CCP110: variants seen among roughly 807,000 people sequenced by gnomAD.
The protein encoded by CCP110 is centriolar coiled-coil protein 110.
A neutral mutation model predicts 105.5 loss-of-function variants in CCP110; 43 were observed. The observed-to-expected ratio is 0.41, with a 90% CI of 0.32 to 0.53. CCP110 has a LOEUF of 0.53. Among genes scored for constraint, CCP110 ranks in the 20% least tolerant of loss-of-function variants. The probability of loss-of-function intolerance (pLI) is 0.32; values close to 1 mark genes in which losing one functional copy is unlikely to be tolerated. For missense variants in CCP110, 1,016 were observed against 1,189.1 expected (o/e 0.85, Z 2.14); for synonymous variants, 353 against 392.1 (o/e 0.90, Z 1.18).
exon 4 of CCP110, chr16:19,536,672 C>T: frequency 6.2e-7 from 1 of 1,614,154 alleles, no homozygotes; most frequent in East Asian, 2.2e-5. Context: ...TCCCACTGTT[C>T]TAGAGTCTAA....
At chr16:19,553,192 GT>G (rs1242469592) in exon 15 of CCP110, 11 of 152,148 alleles carry the variant, frequency 7.2e-5, no homozygotes. Context: ...AAAAGCCTGT[GT>G]TTTACACATT....
chr16:19,551,279 G>T (rs1439271349), exon 15 of CCP110: 3 of 1,570,008 alleles, frequency 1.9e-6, no homozygotes, highest in African/African-American at 2.7e-5. Context: ...TAAAATGGGG[G>T]GAAGGATTAT....
At chr16:19,546,554 C>T (rs533072224) in intron 12 of CCP110, 80 bp downstream of exon 12, 91 of 777,910 alleles carry the variant, frequency 1.2e-4, no homozygotes, top group Non-Finnish European at 1.7e-4. Context: ...CGGTGGCTCA[C>T]GCCTGTAATC....
At chr16:19,535,250 T>C (rs545576718) in intron 3 of CCP110, among the ~76,000 whole-genome samples, 2 of 151,786 alleles carry the variant, frequency 1.3e-5, no homozygotes, top group South Asian at 4.1e-4. Context: ...TATACGGATG[T>C]ATAATTACCT....
intron 2 of CCP110, among the ~76,000 whole-genome samples, chr16:19,529,171 TG>T (rs1249971394): frequency 2.0e-5 from 3 of 152,224 alleles, no homozygotes; most frequent in Non-Finnish European, 4.4e-5. Context: ...GTTAACCATT[TG>T]GGTTTTTCAA....
rs78180055 is a variant in CCP110 at position 19,537,348 on chromosome 16, C to T, written c.1679C>T (p.Thr560Met). The stretch of plus-strand genomic sequence containing the variant: ...CCTTTATTGATGCAAAACCAGAATA[C>T]GAGACAGCAGATGGACACACCTATG... Residue 560 changes from threonine to methionine, a missense_variant, in exon 4 of 15, where the codon ACG becomes ATG. Physicochemically the swap from Thr to Met is moderately conservative, Grantham distance 81. Transcript: ENST00000381396. 4.0e-3 allele frequency: 6,380 copies of T among 1,613,456 alleles called. 212 individuals are homozygous for T. In the East Asian group the frequency reaches 0.085, roughly 21 times the overall value.
intron 1 of CCP110, among the ~76,000 whole-genome samples, chr16:19,524,433 T>A (rs540963028): frequency 1.6e-3 from 238 of 152,206 alleles, no homozygotes; most frequent in Non-Finnish European, 2.5e-3. Context: ...ATCGTGGTGA[T>A]CAAATTGTTT....
intron 4 of CCP110, 54 bp from the exon 5 acceptor site, chr16:19,540,603 A>G (rs1308466120): frequency 6.9e-7 from 1 of 1,441,900 alleles, no homozygotes; most frequent in African/African-American, 1.4e-5. Flanking sequence ...GGTATAAAAT[A>G]TCAGACATTA....
At chr16:19,541,958 T>C (rs377532290) in exon 6 of CCP110, 7 of 1,611,388 alleles carry the variant, frequency 4.3e-6, no homozygotes, top group Non-Finnish European at 5.9e-6. Flanking sequence ...AGTTGGACAT[T>C]AACAATGCAG....
intron 1 of CCP110, chr16:19,525,879 T>C (rs1969653449): frequency 6.6e-6 from 1 of 152,526 alleles, no homozygotes; most frequent in South Asian, 2.1e-4. Context: ...CTATGAAAAT[T>C]GGGAAACAGC....
At chr16:19,539,481 C>A (rs1308737248) in intron 4 of CCP110, among the ~76,000 whole-genome samples, 3 of 151,892 alleles carry the variant, frequency 2.0e-5, no homozygotes, top group African/African-American at 7.3e-5. Flanking sequence ...CTCAGCCTTC[C>A]AAGTAGCTGA....
intron 2 of CCP110, among the ~76,000 whole-genome samples, chr16:19,530,761 C>T (rs1033499065): frequency 2.0e-5 from 3 of 152,066 alleles, no homozygotes; most frequent in African/African-American, 2.4e-5. Flanking sequence ...CGAGACCAGC[C>T]TGGCCAACAT....
At chr16:19,531,749 CAA>C (rs1969875478) in intron 2 of CCP110, among the ~76,000 whole-genome samples, 1 of 152,164 alleles carries the variant, frequency 6.6e-6, no homozygotes, top group African/African-American at 2.4e-5. Flanking sequence ...GGGCAGATCA[CAA>C]AGTCAGGAGT....
Position 19,532,624 on chromosome 16 carries a change from G to T in CCP110, c.270+80G>T, listed in dbSNP as rs145568319. 1.4e-3 allele frequency: 1,588 copies of T among 1,156,218 alleles called. 20 individuals carry two copies. In the African/African-American group the frequency reaches 0.022, roughly 16 times the overall value. The allele number at this position is 1,156,218 out of a possible 1,614,324, so 71.6% of individuals were successfully genotyped here. On this transcript the variant is annotated intron_variant, in intron 3 of 14. Transcript: ENST00000381396. ...ATGATAATTTTTCTGAAATATATTT[G>T]CACTTAACTAATTACTAATGTACTT...
Position 19,542,971 on chromosome 16 carries a change from AAG to A in CCP110, c.2462_2463del (p.Lys821ThrfsTer51). ...TAGACTTATGCAGACAGATAAGCTGAAGCAACTTCGACAAACTGTAAAAGTAA... is the reference window on the plus strand; with the variant it reads ...TAGACTTATGCAGACAGATAAGCTGACAACTTCGACAAACTGTAAAAGTAA... On this transcript the variant is annotated frameshift_variant, in exon 8 of 15. Coordinates refer to ENST00000381396, the Ensembl canonical transcript of CCP110. LOFTEE classifies it high-confidence loss of function. 1 of 1,596,732 alleles carries A rather than the reference AAG, an allele frequency of 6.3e-7. No individual in the cohort carries two copies. The highest frequency in any genetic ancestry group is 1.1e-5 in the South Asian group (1 of 90,060).
exon 15 of CCP110, chr16:19,551,972 ATCT>A (rs1970655514): frequency 6.6e-6 from 1 of 152,196 alleles, no homozygotes; most frequent in African/African-American, 2.4e-5. Context: ...AGACAGCACA[ATCT>A]TCTTGAATGT....
chr16:19,531,226 G>A (rs1969855260), intron 2 of CCP110, among the ~76,000 whole-genome samples: 1 of 152,194 alleles, frequency 6.6e-6, no homozygotes, highest in African/African-American at 2.4e-5. Flanking sequence ...GGCTTGTTGT[G>A]TAGGGTCTAT....
exon 15 of CCP110, chr16:19,551,338 G>T: frequency 9.6e-7 from 1 of 1,043,814 alleles, no homozygotes; most frequent in Non-Finnish European, 1.5e-6. Context: ...CCTGGACTCC[G>T]TTTACACAGA....
rs765266598 is a variant in CCP110, at chr16:19,544,814, A to G, written c.2502A>G (p.Ile834Met). Reference sequence around the variant, plus strand: ...TTTTTCAGGATACTATGGAATTCATAAGAAGTTTTCAGTCAGAAGCACCAT... The same window carrying G: ...TTTTTCAGGATACTATGGAATTCATGAGAAGTTTTCAGTCAGAAGCACCAT... Residue 834 changes from isoleucine to methionine, a missense_variant, in exon 9 of 15, where the codon ATA becomes ATG. By Grantham distance (10) the Ile-to-Met change is conservative. Transcript: ENST00000381396. 4.8e-5 allele frequency: 75 copies of G among 1,571,768 alleles called. No individual in the cohort carries two copies. Among genetic ancestry groups the G allele is most frequent in the Non-Finnish European group, 6.4e-5 (73 of 1,144,080 alleles).
Sources: gnomAD v4.1 joint callset for allele counts (sites outside exome capture counted in the v4.1 genomes callset) on GRCh38, gnomAD v4.1.1 for gene constraint, MANE v1.5 for transcripts, NCBI Gene and HGNC (gene_info 2026-07-23, HGNC 2026-07-21) for gene names.